Variants in AGBL1 observed in about 807,000 individuals in gnomAD.
The protein encoded by AGBL1 is AGBL carboxypeptidase 1, also known as cytosolic carboxypeptidase 4.
AGBL1 carries 130 observed loss-of-function variants against 118.9 expected under a neutral mutation model. The observed-to-expected ratio is 1.09, with a 90% confidence interval of 0.95 to 1.26. The LOEUF (loss-of-function observed/expected upper bound fraction) is 1.26. AGBL1 is among the 50% of genes most tolerant of loss of function. The probability of loss-of-function intolerance (pLI) is 0.00; values close to 1 mark genes in which losing one functional copy is unlikely to be tolerated. For synonymous variants in AGBL1, 555 were observed against 478.9 expected (o/e 1.16, Z -2.08); for missense variants, 1,584 against 1,298.1 (o/e 1.22, Z -3.38).
intron 18 of AGBL1, among the ~76,000 whole-genome samples, chr15:86,411,938 G>T (rs749118538): frequency 6.6e-6 from 1 of 152,132 alleles, no homozygotes; most frequent in Non-Finnish European, 1.5e-5. Flanking sequence ...AGGAGATTGT[G>T]TCTAATTAGG....
chr15:86,123,767 C>T (rs1224947122), intron 1 of AGBL1, among the ~76,000 whole-genome samples: 1 of 152,208 alleles, frequency 6.6e-6, no homozygotes, highest in Non-Finnish European at 1.5e-5. Context: ...TGTAGCCTGA[C>T]CACCTTGAGC....
chr15:86,410,003 CTT>C (rs2142007743), intron 18 of AGBL1, among the ~76,000 whole-genome samples: 1 of 152,270 alleles, frequency 6.6e-6, no homozygotes, highest in East Asian at 1.9e-4. Context: ...ACTTCTAACT[CTT>C]TATTTCAACA....
Position 86,158,733 on chromosome 15 carries a change from C to T in AGBL1, c.395-200C>T, listed in dbSNP as rs74760445. ...GATTCTTCATTTGACATTCTAGTTGCGGCACAGTCAAGTCATTACCTTAGT... is the reference window on the plus strand; with the variant it reads ...GATTCTTCATTTGACATTCTAGTTGTGGCACAGTCAAGTCATTACCTTAGT... On this transcript the variant is annotated intron_variant, in intron 4 of 22. Transcript: ENST00000614907. Among the ~76,000 whole-genome samples, 563 of 152,268 alleles carry T rather than the reference C, an allele frequency of 3.7e-3. 3 individuals are homozygous for T. The highest frequency in any genetic ancestry group is 0.013 in the African/African-American group (524 of 41,536).
intron 22 of AGBL1, among the ~76,000 whole-genome samples, chr15:86,779,088 T>C (rs1393708599): frequency 6.6e-6 from 1 of 152,128 alleles, no homozygotes; most frequent in Non-Finnish European, 1.5e-5. Context: ...AGAAGTCTCC[T>C]GGTGTCTCCT....
intron 23 of AGBL1, among the ~76,000 whole-genome samples, chr15:86,981,242 A>G (rs2081229450): frequency 6.6e-6 from 1 of 152,088 alleles, no homozygotes; most frequent in African/African-American, 2.4e-5. Flanking sequence ...TAATTATTTA[A>G]CCAGAATGTA....
At chr15:86,846,323 A>G (rs1238145593) in intron 22 of AGBL1, among the ~76,000 whole-genome samples, 1 of 152,170 alleles carries the variant, frequency 6.6e-6, no homozygotes, top group Non-Finnish European at 1.5e-5. Flanking sequence ...TGCTCCGAGC[A>G]TGTCATTTCA....
At chr15:86,551,420 C>G (rs2083661725) in intron 20 of AGBL1, among the ~76,000 whole-genome samples, 1 of 152,070 alleles carries the variant, frequency 6.6e-6, no homozygotes, top group Non-Finnish European at 1.5e-5. Flanking sequence ...ACAGATCTTA[C>G]AAAGTAAAAA....
At chr15:86,342,833 T>A (rs1200383156) in intron 17 of AGBL1, among the ~76,000 whole-genome samples, 2 of 152,254 alleles carry the variant, frequency 1.3e-5, no homozygotes, top group East Asian at 3.8e-4. Flanking sequence ...TTTTCTGCCT[T>A]AAAGGAGCTT....
At chr15:86,611,784 G>C (rs1005361958) in intron 21 of AGBL1, among the ~76,000 whole-genome samples, 2 of 152,144 alleles carry the variant, frequency 1.3e-5, no homozygotes. Flanking sequence ...CTATTTGTAA[G>C]ATACTGTGAA....
intron 18 of AGBL1, among the ~76,000 whole-genome samples, chr15:86,401,834 C>T (rs560493652): frequency 1.3e-5 from 2 of 152,212 alleles, no homozygotes; most frequent in South Asian, 4.1e-4. Context: ...TAGCACCGTG[C>T]TGTTTTGGTA....
chr15:86,140,694 C>G (rs1380671804), intron 1 of AGBL1, among the ~76,000 whole-genome samples: 1 of 151,882 alleles, frequency 6.6e-6, no homozygotes, highest in African/African-American at 2.4e-5. Flanking sequence ...TCTCGTGGAG[C>G]TGGAGTGCAC....
At chr15:86,244,625 A>AT (rs1466362135) in intron 6 of AGBL1, among the ~76,000 whole-genome samples, 2 of 152,004 alleles carry the variant, frequency 1.3e-5, no homozygotes, top group Middle Eastern at 3.2e-3. Flanking sequence ...TTGATAAGGG[A>AT]TTTTTCTCCC....
rs112379650 is a variant in AGBL1, at chr15:86,429,201, C to T, written c.2555+31655C>T. Among the ~76,000 whole-genome samples the T allele has an allele frequency of 4.0e-3, 605 of 152,308 alleles. 8 individuals carry two copies. Among genetic ancestry groups the T allele is most frequent in the African/African-American group, 0.014 (579 of 41,564 alleles). The stretch of plus-strand genomic sequence containing the variant: ...CTGTTGGGAGATTCCTATCATACTC[C>T]GGATGGCAAGAAAACAAATATGCAA... On this transcript the variant is annotated intron_variant, in intron 18 of 22. Transcript: ENST00000614907.
chr15:86,269,790 C>A, intron 13 of AGBL1, 129 bp from the exon 14 acceptor site: 1 of 1,105,938 alleles, frequency 9.0e-7, no homozygotes, highest in Non-Finnish European at 1.3e-6. Context: ...ATAAGTATAA[C>A]TTACCAGCTG....
At chr15:86,237,339 G>C (rs560183209) in intron 6 of AGBL1, among the ~76,000 whole-genome samples, 1 of 152,172 alleles carries the variant, frequency 6.6e-6, no homozygotes, top group Non-Finnish European at 1.5e-5. Context: ...ATTCATGAGC[G>C]ATGCTTGCAA....
At chr15:86,524,307 G>T (rs2083232024) in intron 19 of AGBL1, among the ~76,000 whole-genome samples, 1 of 152,156 alleles carries the variant, frequency 6.6e-6, no homozygotes, top group African/African-American at 2.4e-5. Context: ...TTCCTTAGAA[G>T]GACTCACAGG....
chr15:86,093,497 G>A (rs1289884936), intron 1 of AGBL1, among the ~76,000 whole-genome samples: 2 of 152,272 alleles, frequency 1.3e-5, no homozygotes, highest in East Asian at 3.9e-4. Context: ...AAGAGAACTG[G>A]TTACTGTGGT....
intron 24 of AGBL1, among the ~76,000 whole-genome samples, chr15:87,022,008 G>GGT (rs1395973899): frequency 6.6e-6 from 1 of 152,058 alleles, no homozygotes; most frequent in Non-Finnish European, 1.5e-5. Flanking sequence ...CCCAGAGCCT[G>GGT]GTAGACTTGC....
At chr15:86,080,275 A>C (rs1597368474) in intron 1 of AGBL1, 2 of 344,872 alleles carry the variant, frequency 5.8e-6, no homozygotes, top group East Asian at 8.5e-5. Flanking sequence ...CTCTGGGTAA[A>C]AGATCCGAGT....
Sources: gnomAD v4.1 joint callset for allele counts (sites outside exome capture counted in the v4.1 genomes callset) on GRCh38, gnomAD v4.1.1 for gene constraint, MANE v1.5 for transcripts, NCBI Gene and HGNC (gene_info 2026-07-23, HGNC 2026-07-21) for gene names.